The following SART3 variants were observed in gnomAD, a reference collection of about 807,000 sequenced individuals.
SART3 encodes HIV-1 Tat-interacting protein of 110kDa.
SART3 carries 44 observed loss-of-function variants against 122.3 expected under a neutral mutation model. That is an observed-to-expected ratio of 0.36 (90% CI 0.28 to 0.46). SART3 has a LOEUF of 0.46. SART3 is among the 20% of genes least tolerant of loss of function. The pLI, the probability that SART3 is intolerant of heterozygous loss-of-function variation, is 1.00. For synonymous variants in SART3, 442 were observed against 454.0 expected, an observed-to-expected ratio of 0.97 and a Z score of 0.34; for missense variants, 1,101 against 1,229.0, an observed-to-expected ratio of 0.90 and a Z score of 1.56.
At chr12:108,541,330 C>A (rs547023869) in intron 6 of SART3, among the ~76,000 whole-genome samples, 2 of 151,988 alleles carry the variant, frequency 1.3e-5, no homozygotes, top group Admixed American at 1.3e-4. Flanking sequence ...TCGCTTGAAC[C>A]TGGCGGGGCG....
chr12:108,537,136 CG>C (rs1394240166), intron 9 of SART3: 1 of 424,560 alleles, frequency 2.4e-6, no homozygotes, highest in Non-Finnish European at 4.4e-6. Flanking sequence ...TGGTTGTTTT[CG>C]GGGGGACATG....
chr12:108,537,391 TG>T lies in SART3; in HGVS notation c.1309+96del, dbSNP rs1593239528. The T allele has an allele frequency of 4.5e-6, 4 of 883,200 alleles. No homozygotes were observed. In the East Asian group the frequency reaches 1.0e-4, roughly 22 times the overall value. 54.7% of individuals were successfully genotyped at this position (883,200 alleles called of 1,614,324 possible). A position where few individuals can be genotyped will look rare whatever the true frequency, so the allele number is the denominator to read the frequency against. ...TCACCAATACCTAGTCTACATCATT[TG>T]CCCAATCACAATGTATCTGGGGAAC... On this transcript the variant is annotated intron_variant, in intron 9 of 18. Transcript: ENST00000546815.
chr12:108,557,037 T>C (rs1051706364), intron 1 of SART3, among the ~76,000 whole-genome samples: 3 of 152,144 alleles, frequency 2.0e-5, no homozygotes, highest in African/African-American at 7.2e-5. Flanking sequence ...TTCTGATTTT[T>C]AGGGTAAAAT....
chr12:108,536,543 C>T lies in SART3; in HGVS notation c.1417G>A (p.Val473Met), dbSNP rs138907360. 1.4e-5 allele frequency: 22 copies of T among 1,614,118 alleles called. No individual in the cohort carries two copies. In the East Asian group the frequency reaches 4.5e-4, roughly 33 times the overall value. Residue 473 changes from valine to methionine, a missense_variant, in exon 11 of 19, where the codon GTG becomes ATG. Physicochemically the swap from Val to Met is conservative, Grantham distance 21. Transcript: ENST00000546815. ...RFNESGDPSCVIMQNWARIEA... is the reference protein window; with the variant it reads ...RFNESGDPSCMIMQNWARIEA... Reference sequence around the variant, plus strand: ...ATCCTAGCCCAGTTCTGCATAATCACGCAGCTTGGATCACCACTCTCATTG... The same window carrying T: ...ATCCTAGCCCAGTTCTGCATAATCATGCAGCTTGGATCACCACTCTCATTG...
intron 1 of SART3, among the ~76,000 whole-genome samples, chr12:108,557,525 G>A (rs2030282067): frequency 6.6e-6 from 1 of 152,184 alleles, no homozygotes; most frequent in African/African-American, 2.4e-5. Context: ...GGCAGGGAAG[G>A]GAGAATGGAG....
intron 18 of SART3, 78 bp from the exon 19 acceptor site, chr12:108,523,712 A>G (rs1385609080): frequency 7.6e-7 from 1 of 1,313,736 alleles, no homozygotes; most frequent in African/African-American, 1.5e-5. Context: ...ATAAGCCAAG[A>G]CAGTTTTAAT....
chr12:108,526,648 G>T, intron 15 of SART3, 95 bp from the exon 16 acceptor site: 1 of 1,305,654 alleles, frequency 7.7e-7, no homozygotes. Flanking sequence ...TGTGACAGCT[G>T]CATGTGACAC....
intron 14 of SART3, among the ~76,000 whole-genome samples, chr12:108,530,868 A>G (rs1872653819): frequency 6.6e-6 from 1 of 152,180 alleles, no homozygotes; most frequent in South Asian, 2.1e-4. Flanking sequence ...AAAAAAAAAA[A>G]AATCCATAAA....
intron 1 of SART3, among the ~76,000 whole-genome samples, chr12:108,550,425 G>A (rs1268276302): frequency 1.3e-5 from 2 of 152,172 alleles, no homozygotes; most frequent in Non-Finnish European, 2.9e-5. Flanking sequence ...AAGTGGGGAT[G>A]GAAAGAGAAC....
chr12:108,544,968 G>A (rs985950472), intron 4 of SART3, 171 bp downstream of exon 4: 2 of 752,304 alleles, frequency 2.7e-6, no homozygotes, highest in Middle Eastern at 3.8e-4. Flanking sequence ...AATGCTAGAA[G>A]GGGTATAAAA....
intron 6 of SART3, among the ~76,000 whole-genome samples, chr12:108,541,394 A>C (rs1042947781): frequency 2.0e-5 from 3 of 152,134 alleles, no homozygotes; most frequent in African/African-American, 7.2e-5. Flanking sequence ...GGTGAAAGCG[A>C]AACTCCAGTC....
rs1565859262 is a variant in SART3 at position 108,531,246 on chromosome 12, T to C, written c.1704A>G (p.Lys568=). Residue 568 remains lysine, a synonymous_variant, in exon 14 of 19, where the codon AAA becomes AAG. Coordinates refer to ENST00000546815, the MANE Select transcript of SART3 (RefSeq NM_014706.4). ...TGACACGAGCTAATCGGGTTTCAGT[T>C]TTCTGAACAGCTATATCCCAATCTT... ...SLEDWDIAVQ[K]TETRLARVNE... is the part of the protein sequence containing the mutation. 6.2e-7 allele frequency: 1 copy of C among 1,614,046 alleles called. No homozygotes were observed. The highest frequency in any genetic ancestry group is 1.1e-5 in the South Asian group (1 of 91,086).
intron 13 of SART3, 189 bp from the exon 14 acceptor site, chr12:108,531,469 C>A: frequency 1.7e-6 from 1 of 584,294 alleles, no homozygotes; most frequent in Non-Finnish European, 3.0e-6. Flanking sequence ...ATGTCCCTCT[C>A]CTTTCAGGAG....
At chr12:108,552,835 G>A (rs984459617) in intron 1 of SART3, among the ~76,000 whole-genome samples, 9 of 152,104 alleles carry the variant, frequency 5.9e-5, no homozygotes, top group African/African-American at 2.2e-4. Context: ...ACCTAGACAA[G>A]CTTATTCTAA....
Position 108,538,115 on chromosome 12 carries a change from C to T in SART3, c.1151G>A (p.Arg384Gln), listed in dbSNP as rs377513270. 12 of 1,614,006 alleles carry T rather than the reference C, an allele frequency of 7.4e-6. No individual in the cohort carries two copies. The highest frequency in any genetic ancestry group is 2.2e-5 in the East Asian group (1 of 44,900). Residue 384 changes from arginine (R) to glutamine (Q), a missense_variant, in exon 8 of 19, where the codon CGG becomes CAG. Around this residue, in one of 2 missense-constraint regions of SART3, gnomAD observed 885 missense variants for 1,080.1 expected, o/e 0.82. Transcript: ENST00000546815. ...NCPWTVALWS[R>Q]YLLAMERHGV... is the part of the protein sequence containing the mutation. ...ATGTCTCTCCATGGCCAAGAGGTAC[C>T]GACTCCATAAGGCAACTGTCCAGGG...
At chr12:108,556,735 A>G (rs184672339) in intron 1 of SART3, among the ~76,000 whole-genome samples, 1 of 152,362 alleles carries the variant, frequency 6.6e-6, no homozygotes, top group Non-Finnish European at 1.5e-5. Context: ...CAAGTGTGTC[A>G]CACAAAGTAA....
chr12:108,524,636 G>A, intron 17 of SART3, 130 bp from the exon 18 acceptor site: 1 of 773,756 alleles, frequency 1.3e-6, no homozygotes. Context: ...CCCACCAACA[G>A]GTTACCTTCC....
In SART3 at chr12:108,523,030, C is replaced by G. The variant is rs1872197280; in HGVS notation, c.*427G>C. 5.0e-6 allele frequency: 1 copy of G among 200,330 alleles called. No individual in the cohort carries two copies. Among genetic ancestry groups the G allele is most frequent in the Non-Finnish European group, 1.0e-5 (1 of 97,006 alleles). 12.4% of individuals were successfully genotyped at this position (200,330 alleles called of 1,614,324 possible). On this transcript the variant is annotated 3_prime_UTR_variant, in exon 19 of 19. Coordinates refer to ENST00000546815, the MANE Select transcript of SART3 (RefSeq NM_014706.4). Reference sequence around the variant, plus strand: ...AAGAGGCCATTCTGTGAATTACTAGCATCTGCCATTTCATCTTTTAAAATT... The same window carrying G: ...AAGAGGCCATTCTGTGAATTACTAGGATCTGCCATTTCATCTTTTAAAATT...
At chr12:108,545,967 CAAAA>C (rs367848748) in intron 3 of SART3, among the ~76,000 whole-genome samples, 2 of 108,966 alleles carry the variant, frequency 1.8e-5, no homozygotes, top group Non-Finnish European at 1.8e-5. Context: ...GACTCTCTCT[CAAAA>C]AAAAAAAAAA....
Sources: allele counts gnomAD v4.1 joint callset (sites outside exome capture counted in the v4.1 genomes callset), GRCh38; gene constraint gnomAD v4.1.1; regional missense constraint gnomAD v4.1.1; transcripts MANE v1.5; gene names NCBI Gene and HGNC (gene_info 2026-07-23, HGNC 2026-07-21).